The following KARS1 variants were observed in gnomAD, a reference collection of about 807,000 sequenced individuals.
KARS1 encodes lysine--tRNA ligase.
Under a neutral mutation model 63.9 loss-of-function variants are expected in KARS1, and 50 were observed. That is an observed-to-expected ratio of 0.78 (90% CI 0.62 to 0.99). KARS1 has a LOEUF of 0.99. Among genes scored for constraint, KARS1 ranks in the 50% least tolerant of loss-of-function variants. KARS1 has a pLI of 0.00. For synonymous variants in KARS1, 320 were observed against 264.6 expected (o/e 1.21, Z -2.03); for missense variants, 816 against 754.5 (o/e 1.08, Z -0.95).
In KARS1 at chr16:75,631,528, GCCC is replaced by G; in HGVS notation, c.1137_1139del (p.Glu379_Gly380delinsAsp). The G allele has an allele frequency of 6.2e-7, 1 of 1,614,116 alleles. No homozygotes were observed. Among genetic ancestry groups the G allele is most frequent in the East Asian group, 2.2e-5 (1 of 44,876 alleles). ...GGGTGAAGTCAACATCGTAGGCTTG[GCCC>G]TCTGGGCCATCTGGGTGGTAGGTGA... On this transcript the variant is annotated inframe_deletion, in exon 9 of 14. Coordinates refer to ENST00000302445, the MANE Select transcript of KARS1 (RefSeq NM_005548.3).
chr16:75,645,907 A>G (rs2082277462), intron 1 of KARS1, among the ~76,000 whole-genome samples: 1 of 152,068 alleles, frequency 6.6e-6, no homozygotes, highest in South Asian at 2.1e-4. Context: ...CGTTTACCTA[A>G]AAACACACTC....
intron 3 of KARS1, 31 bp from the exon 4 acceptor site, chr16:75,636,578 A>G (rs146170824): frequency 1.5e-6 from 2 of 1,340,500 alleles, no homozygotes; most frequent in Non-Finnish European, 2.1e-6. Context: ...ATACTGACTG[A>G]CAGAACCAGA....
At chr16:75,632,901 A>G (rs1454672199) in intron 7 of KARS1, among the ~76,000 whole-genome samples, 1 of 152,218 alleles carries the variant, frequency 6.6e-6, no homozygotes, top group African/African-American at 2.4e-5. Context: ...GGCTGAAGGC[A>G]GCCAGTTCTT....
chr16:75,641,922 T>A (rs1279115283), intron 1 of KARS1, among the ~76,000 whole-genome samples, 199 bp from the exon 2 acceptor site: 2 of 151,986 alleles, frequency 1.3e-5, no homozygotes, highest in Admixed American at 6.6e-5. Flanking sequence ...AAGGGAAAAA[T>A]AAGCTTAGAA....
rs142700469 is a variant in KARS1, at chr16:75,633,417, A to G, written c.915+756T>C. Among the ~76,000 whole-genome samples the G allele has an allele frequency of 5.4e-3, 817 of 152,252 alleles. 7 individuals are homozygous for G. Among genetic ancestry groups the G allele is most frequent in the African/African-American group, 0.018 (766 of 41,550 alleles). ...AATTTTTATTTTGCTTAAACTAGTT[A>G]TAACAGTTTCTGTTGTCTGCAACTA... On this transcript the variant is annotated intron_variant, in intron 7 of 13. Coordinates refer to ENST00000302445, the MANE Select transcript of KARS1 (RefSeq NM_005548.3).
chr16:75,628,740 G>A (rs368550141), intron 12 of KARS1, 28 bp from the exon 13 acceptor site: 2 of 1,613,676 alleles, frequency 1.2e-6, no homozygotes, highest in Non-Finnish European at 1.7e-6. Context: ...ACCAAAAGGT[G>A]ACCTTCTTCT....
chr16:75,634,436 A>C, intron 6 of KARS1, 144 bp from the exon 7 acceptor site: 1 of 791,342 alleles, frequency 1.3e-6, no homozygotes, highest in Non-Finnish European at 2.1e-6. Flanking sequence ...AGTGCTTGAC[A>C]AAAAAGGACA....
At chr16:75,634,011 A>G (rs920776277) in intron 7 of KARS1, 162 bp downstream of exon 7, 1 of 785,430 alleles carries the variant, frequency 1.3e-6, no homozygotes, top group Non-Finnish European at 2.2e-6. Flanking sequence ...CTTGTAGAGA[A>G]ATTCTGGAAG....
rs746489479 is a variant in KARS1, at chr16:75,631,576, A to G, written c.1092T>C (p.His364=). Residue 364 remains histidine (H), a synonymous_variant, in exon 9 of 14, where the codon CAT becomes CAC. Transcript: ENST00000302445. ...AGGTGACCTTGTAACTGCCTGTAAT[A>G]TGCTTCACCATCCCTGGGAGAGAAA... ...TEKMVSGMVK[H]ITGSYKVTYH... The G allele has an allele frequency of 1.5e-5, 25 of 1,614,196 alleles. No homozygotes were observed. Among genetic ancestry groups the G allele is most frequent in the Non-Finnish European group, 2.0e-5 (24 of 1,180,028 alleles).
intron 2 of KARS1, 109 bp from the exon 3 acceptor site, chr16:75,640,458 G>A: frequency 9.8e-7 from 1 of 1,024,374 alleles, no homozygotes; most frequent in East Asian, 2.4e-5. Flanking sequence ...CCAATACATT[G>A]TTTTCTTTAA....
At chr16:75,640,644 T>C (rs936450202) in intron 2 of KARS1, among the ~76,000 whole-genome samples, 1 of 152,226 alleles carries the variant, frequency 6.6e-6, no homozygotes, top group Non-Finnish European at 1.5e-5. Context: ...GTTGTCACTT[T>C]TGTAGACCAC....
Position 75,634,175 on chromosome 16 carries a change from T to TTA in KARS1, c.912_913insTA (p.Lys305Ter). 1 of 1,613,808 alleles carries TTA rather than the reference T, an allele frequency of 6.2e-7. No homozygotes were observed. Among genetic ancestry groups the TTA allele is most frequent in the Non-Finnish European group, 8.5e-7 (1 of 1,179,744 alleles). On this transcript the variant is annotated frameshift_variant, in exon 7 of 14. Transcript: ENST00000302445. LOFTEE classifies it high-confidence loss of function. ...AAGGGTGTACTATTACTGACTACCT[T>TTA]ATGATAGAGTTCTGGAGCAATTCTC...
In KARS1 at chr16:75,631,700, C is replaced by A. The variant is rs1011863097; in HGVS notation, c.1071G>T (p.Met357Ile). 1 of 1,614,158 alleles carries A rather than the reference C, an allele frequency of 6.2e-7. No individual in the cohort carries two copies. Among genetic ancestry groups the A allele is most frequent in the South Asian group, 1.1e-5 (1 of 91,078 alleles). ...YHDLMEITEKMVSGMVKHITG... is the reference protein window; with the variant it reads ...YHDLMEITEKIVSGMVKHITG... ...AGAGAGAGCAGGAGTCACCTGAAACCATCTTCTCCGTGATTTCCATGAGAT... is the reference window on the plus strand; with the variant it reads ...AGAGAGAGCAGGAGTCACCTGAAACAATCTTCTCCGTGATTTCCATGAGAT... The change falls in exon 8 of 14, where the codon ATG becomes ATT. Residue 357 changes from methionine to isoleucine, a missense_variant. By Grantham distance (10) the Met-to-Ile change is conservative. Coordinates refer to ENST00000302445, the MANE Select transcript of KARS1 (RefSeq NM_005548.3).
At position 75,640,342 on chromosome 16, in the gene KARS1, T is replaced by C. The variant is rs2082209996; in HGVS notation, c.230A>G (p.Tyr77Cys). ...EEESVDPNQYYKIRSQAIHQL... is the reference protein window; with the variant it reads ...EEESVDPNQYCKIRSQAIHQL... ...ATGAATTGCTTGACTGCGGATTTTG[T>C]AGTATTGCTGTTAAAAAAAAAAAAA... is the stretch of plus-strand genomic sequence containing the variant. Residue 77 changes from tyrosine to cysteine, a missense_variant, in exon 3 of 14, where the codon TAC (tyrosine) becomes TGC (cysteine). Coordinates refer to ENST00000302445, the MANE Select transcript of KARS1 (RefSeq NM_005548.3). 3.1e-6 allele frequency: 5 copies of C among 1,608,600 alleles called. No homozygotes were observed. The highest frequency in any genetic ancestry group is 2.8e-5 in the African/African-American group (2 of 72,608).
At chr16:75,646,409 C>T (rs1166704384) in intron 1 of KARS1, among the ~76,000 whole-genome samples, 1 of 151,962 alleles carries the variant, frequency 6.6e-6, no homozygotes, top group African/African-American at 2.4e-5. Flanking sequence ...GCCATGGTGG[C>T]ACACGCCTGT....
chr16:75,646,923 C>T (rs892127957), intron 1 of KARS1, among the ~76,000 whole-genome samples: 1 of 152,182 alleles, frequency 6.6e-6, no homozygotes, highest in Non-Finnish European at 1.5e-5. Flanking sequence ...GAATATAAGA[C>T]AGCCAGTTAA....
rs142572866 is a variant in KARS1 at position 75,629,922 on chromosome 16, A to G, written c.1425-381T>C. ...GTCTCAGCAACAAATCATTTGGTACAACGGTGAGGAGGGTGAGAGAGACCA... is the reference window on the plus strand; with the variant it reads ...GTCTCAGCAACAAATCATTTGGTACGACGGTGAGGAGGGTGAGAGAGACCA... On this transcript the variant is annotated intron_variant, in intron 11 of 13. Coordinates refer to ENST00000302445, the MANE Select transcript of KARS1 (RefSeq NM_005548.3). Among the ~76,000 whole-genome samples, 275 of 152,350 alleles carry G rather than the reference A, an allele frequency of 1.8e-3. 1 individual carries two copies. The highest frequency in any genetic ancestry group is 2.5e-3 in the Non-Finnish European group (173 of 68,032).
chr16:75,639,595 T>C (rs1336938026), intron 3 of KARS1, among the ~76,000 whole-genome samples: 2 of 129,280 alleles, frequency 1.5e-5, no homozygotes, highest in African/African-American at 6.5e-5. Context: ...AAAAAAAAGA[T>C]TTTAGTAAAA....
intron 10 of KARS1, 119 bp from the exon 11 acceptor site, chr16:75,630,627 T>TTTATTTA (rs2082101383): frequency 5.3e-6 from 2 of 378,958 alleles, no homozygotes; most frequent in Admixed American, 4.3e-5. Flanking sequence ...TTTTTATTTA[T>TTTATTTA]TTATTATTAT....
Sources: allele counts gnomAD v4.1 joint callset (sites outside exome capture counted in the v4.1 genomes callset), GRCh38; gene constraint gnomAD v4.1.1; transcripts MANE v1.5; gene names NCBI Gene and HGNC (gene_info 2026-07-23, HGNC 2026-07-21).